NDUFAF6: variants seen among roughly 807,000 people sequenced by gnomAD.
NDUFAF6 encodes the protein NADH dehydrogenase (ubiquinone) complex I, assembly factor 6.
Under a neutral mutation model 40.8 loss-of-function variants are expected in NDUFAF6, and 45 were observed. That is an observed-to-expected ratio of 1.10 (90% CI 0.87 to 1.42). The LOEUF is 1.42. NDUFAF6 is among the 40% of genes most tolerant of loss of function. The probability of loss-of-function intolerance (pLI) is 0.00; values close to 1 mark genes in which losing one functional copy is unlikely to be tolerated. For synonymous variants in NDUFAF6, 185 were observed against 155.9 expected (o/e 1.19, Z -1.39); for missense variants, 435 against 418.5 (o/e 1.04, Z -0.34).
chr8:94,909,797 TACAC>T (rs1563700808), intron 1 of NDUFAF6, among the ~76,000 whole-genome samples: 13 of 145,554 alleles, frequency 8.9e-5, no homozygotes, highest in Non-Finnish European at 1.6e-4. Context: ...TGTATATATA[TACAC>T]ATATATATAT....
intron 3 of NDUFAF6, among the ~76,000 whole-genome samples, chr8:95,038,661 C>T (rs1288371547): frequency 2.0e-5 from 3 of 151,800 alleles, no homozygotes; most frequent in Non-Finnish European, 2.9e-5. Flanking sequence ...CTTTACCATG[C>T]CTGGCCTCAG....
intron 3 of NDUFAF6, chr8:95,036,545 C>T: frequency 8.0e-7 from 1 of 1,255,960 alleles, no homozygotes; most frequent in Non-Finnish European, 1.0e-6. Flanking sequence ...TCAAGAAGCT[C>T]AACCTAGGTG....
intron 2 of NDUFAF6, among the ~76,000 whole-genome samples, chr8:94,950,568 G>A (rs1017089207): frequency 6.6e-6 from 1 of 152,162 alleles, no homozygotes; most frequent in South Asian, 2.1e-4. Flanking sequence ...TGCAGTGCAG[G>A]GAGTTGTCAG....
chr8:94,999,989 C>A (rs1826643352), intron 2 of NDUFAF6, among the ~76,000 whole-genome samples: 1 of 151,750 alleles, frequency 6.6e-6, no homozygotes, highest in Non-Finnish European at 1.5e-5. Context: ...GGGGGAGGAT[C>A]CCTTGAGGCC....
chr8:95,074,171 T>C (rs1352963864), intron 9 of NDUFAF6, among the ~76,000 whole-genome samples: 1 of 152,176 alleles, frequency 6.6e-6, no homozygotes, highest in Admixed American at 6.5e-5. Flanking sequence ...GAATTATTTC[T>C]ACTCTTGTAT....
Position 95,025,197 on chromosome 8 carries a change from G to T in NDUFAF6, c.189G>T (p.Glu63Asp). 6.9e-7 allele frequency: 1 copy of T among 1,440,718 alleles called. No individual in the cohort carries two copies. Among genetic ancestry groups the T allele is most frequent in the Admixed American group, 3.1e-5 (1 of 32,590 alleles). The allele number at this position is 1,440,718 out of a possible 1,614,324, so 89.2% of individuals were successfully genotyped here. Residue 63 changes from glutamate (E) to aspartate (D), a missense_variant, in exon 1 of 9, where the codon GAG (glutamate) becomes GAT (aspartate). Coordinates refer to ENST00000396124, the MANE Select transcript of NDUFAF6 (RefSeq NM_152416.4). The stretch of plus-strand genomic sequence containing the variant: ...GGGGCACTGACCACTACTGCCTGGA[G>T]CTGCTGCGGTGAGCGAGCACGACCT... ...GAWGTDHYCL[E>D]LLRKRDYEGY...
chr8:94,981,090 T>G (rs1046832897), intron 2 of NDUFAF6: 10 of 411,638 alleles, frequency 2.4e-5, no homozygotes, highest in Admixed American at 1.0e-4. Context: ...CGTTGAGGCT[T>G]GGACTCCAGT....
At chr8:95,108,702 C>T (rs559541739) in intron 4 of NDUFAF6, among the ~76,000 whole-genome samples, 2 of 151,914 alleles carry the variant, frequency 1.3e-5, no homozygotes, top group South Asian at 2.1e-4. Flanking sequence ...CCAGTGTTGG[C>T]GTGGATATGG....
In NDUFAF6 at chr8:95,058,626, G is replaced by A. The variant is rs1340551730; in HGVS notation, c.*689G>A. ...TCTGTCATTCAGCATTATCATGATC[G>A]TGAACAAAATTGTACTGAGAAAGTT... On this transcript the variant is annotated 3_prime_UTR_variant, in exon 9 of 9. Transcript: ENST00000396124. 31 of 1,131,070 alleles carry A rather than the reference G, an allele frequency of 2.7e-5. No individual in the cohort carries two copies. The highest frequency in any genetic ancestry group is 3.2e-5 in the Non-Finnish European group (30 of 925,246). The allele number at this position is 1,131,070 out of a possible 1,614,324, so 70.1% of individuals were successfully genotyped here. A position where few individuals can be genotyped will look rare whatever the true frequency, so the allele number is the denominator to read the frequency against.
chr8:94,924,870 G>A (rs1819758112), intron 1 of NDUFAF6, among the ~76,000 whole-genome samples: 1 of 152,164 alleles, frequency 6.6e-6, no homozygotes, highest in Admixed American at 6.5e-5. Flanking sequence ...AGCCTCCCGA[G>A]GAGCTGGGAT....
intron 1 of NDUFAF6, among the ~76,000 whole-genome samples, chr8:94,923,147 A>C (rs1819620173): frequency 6.6e-6 from 1 of 152,204 alleles, no homozygotes; most frequent in Admixed American, 6.5e-5. Flanking sequence ...TAGGCCGGAT[A>C]GGAAGGAGGG....
chr8:95,097,117 AT>A (rs1809491001), upstream of NDUFAF6, among the ~76,000 whole-genome samples: 1 of 152,246 alleles, frequency 6.6e-6, no homozygotes, highest in Non-Finnish European at 1.5e-5. Context: ...CTGGCTGGAA[AT>A]GTACATTATG....
chr8:94,900,681 G>C (rs562897669), intron 1 of NDUFAF6, among the ~76,000 whole-genome samples: 2 of 152,348 alleles, frequency 1.3e-5, no homozygotes, highest in South Asian at 4.1e-4. Flanking sequence ...CTCCACTGAG[G>C]AGGATATGGA....
chr8:94,980,032 G>A (rs1405571919), intron 1 of NDUFAF6, among the ~76,000 whole-genome samples: 1 of 151,718 alleles, frequency 6.6e-6, no homozygotes, highest in African/African-American at 2.4e-5. Context: ...GGAAGGCGGA[G>A]GTTACAGTGA....
At chr8:94,904,144 T>G (rs1262648829) in intron 1 of NDUFAF6, among the ~76,000 whole-genome samples, 4 of 146,986 alleles carry the variant, frequency 2.7e-5, no homozygotes, top group African/African-American at 5.4e-5. Context: ...GTGGTTTTTT[T>G]GTTTTTTGGT....
At chr8:95,103,102 G>A (rs1809706180) in exon 3 of NDUFAF6, 1 of 152,212 alleles carries the variant, frequency 6.6e-6, no homozygotes, top group South Asian at 2.1e-4. Context: ...GCCAGATTAA[G>A]TTTGACTCTG....
intron 9 of NDUFAF6, among the ~76,000 whole-genome samples, chr8:95,072,560 C>A (rs1832902650): frequency 6.6e-6 from 1 of 152,158 alleles, no homozygotes; most frequent in Non-Finnish European, 1.5e-5. Context: ...GGCTTGGAAC[C>A]CTGACCAGCA....
At chr8:95,093,177 G>A (rs973631264) in intron 2 of NDUFAF6, among the ~76,000 whole-genome samples, 24 of 152,110 alleles carry the variant, frequency 1.6e-4, no homozygotes, top group African/African-American at 5.8e-4. Context: ...CCGCCTTGGT[G>A]GATTTGCATT....
At chr8:94,966,543 G>A (rs1824027507) in intron 1 of NDUFAF6, among the ~76,000 whole-genome samples, 1 of 152,162 alleles carries the variant, frequency 6.6e-6, no homozygotes, top group Non-Finnish European at 1.5e-5. Flanking sequence ...ACAGTGAGCT[G>A]TGACTGCACC....
Sources: gnomAD v4.1 joint callset for allele counts (sites outside exome capture counted in the v4.1 genomes callset) on GRCh38, gnomAD v4.1.1 for gene constraint, MANE v1.5 for transcripts, NCBI Gene and HGNC (gene_info 2026-07-23, HGNC 2026-07-21) for gene names.